The following LMNTD1 variants were observed in gnomAD, a reference collection of about 807,000 sequenced individuals.
The protein encoded by LMNTD1 is lamin tail domain containing 1.
Under a neutral mutation model 50.9 loss-of-function variants are expected in LMNTD1, and 35 were observed. The observed-to-expected ratio is 0.69, with a 90% CI of 0.53 to 0.91. The LOEUF (loss-of-function observed/expected upper bound fraction) is 0.91, where lower values mean the gene tolerates loss of function less well. LMNTD1 is among the 40% of genes least tolerant of loss of function. The pLI is 0.00. For synonymous variants in LMNTD1, 153 were observed against 161.9 expected (o/e 0.94, Z 0.42); for missense variants, 470 against 475.5 (o/e 0.99, Z 0.11).
At chr12:25,548,596 A>T (rs1356188777) in intron 3 of LMNTD1, among the ~76,000 whole-genome samples, 1 of 151,970 alleles carries the variant, frequency 6.6e-6, no homozygotes, top group Non-Finnish European at 1.5e-5. Context: ...GGAAAATGAG[A>T]TGCAGAGATG....
chr12:25,643,205 T>C (rs1946989278), intron 1 of LMNTD1, among the ~76,000 whole-genome samples: 1 of 152,242 alleles, frequency 6.6e-6, no homozygotes, highest in Non-Finnish European at 1.5e-5. Flanking sequence ...CATTATCATT[T>C]ATGATTATAG....
At chr12:25,618,511 G>A (rs1434455943) in intron 1 of LMNTD1, among the ~76,000 whole-genome samples, 2 of 152,082 alleles carry the variant, frequency 1.3e-5, no homozygotes, top group Non-Finnish European at 2.9e-5. Context: ...TGCTCTTTAG[G>A]TTGGAGCAAC....
chr12:25,596,702 C>A (rs999242535), intron 1 of LMNTD1, among the ~76,000 whole-genome samples: 3 of 151,784 alleles, frequency 2.0e-5, no homozygotes, highest in Non-Finnish European at 4.4e-5. Context: ...TTTTGATGAT[C>A]AAAAAGAAAT....
intron 9 of LMNTD1, among the ~76,000 whole-genome samples, chr12:25,491,682 T>C (rs1367981235): frequency 1.4e-4 from 21 of 152,230 alleles, no homozygotes; most frequent in Admixed American, 1.4e-3. Context: ...CTGATGGTGA[T>C]GTGCTGCTGG....
intron 1 of LMNTD1, among the ~76,000 whole-genome samples, chr12:25,634,358 C>CA (rs1946781990): frequency 1.3e-5 from 2 of 152,116 alleles, no homozygotes; most frequent in African/African-American, 2.4e-5. Flanking sequence ...ACCCTAATAC[C>CA]AAAACCAGGA....
chr12:25,624,380 G>A (rs563342623), intron 1 of LMNTD1, among the ~76,000 whole-genome samples: 1 of 152,210 alleles, frequency 6.6e-6, no homozygotes, highest in East Asian at 1.9e-4. Context: ...CAGATAACTA[G>A]GAAAAGGTAC....
At chr12:25,602,318 G>C (rs917993909) in intron 1 of LMNTD1, among the ~76,000 whole-genome samples, 3 of 151,446 alleles carry the variant, frequency 2.0e-5, no homozygotes, top group Non-Finnish European at 4.4e-5. Context: ...AAGAAAGAAA[G>C]AAAAAAAACC....
chr12:25,565,833 G>A (rs569159560), intron 1 of LMNTD1, among the ~76,000 whole-genome samples: 1 of 152,178 alleles, frequency 6.6e-6, no homozygotes, highest in South Asian at 2.1e-4. Context: ...TCTCCTTCAT[G>A]TTCGAAGAAT....
chr12:25,554,673 G>T (rs1040545652), upstream of LMNTD1, among the ~76,000 whole-genome samples: 5 of 152,186 alleles, frequency 3.3e-5, no homozygotes, highest in Non-Finnish European at 5.9e-5. Flanking sequence ...ACCCAGAGAT[G>T]CTAGACTTTC....
At position 25,503,741 on chromosome 12, in the gene LMNTD1, T is replaced by TAAA; in HGVS notation, c.*16_*18dup. 6.4e-7 allele frequency: 1 copy of TAAA among 1,551,848 alleles called. No individual in the cohort carries two copies. Among genetic ancestry groups the TAAA allele is most frequent in the Non-Finnish European group, 8.8e-7 (1 of 1,131,734 alleles). ...AATTTGCAATACAGTTACTTACCTT[T>TAAA]AAAGGTTGAGTTGACTGCTTATTGC... On this transcript the variant is annotated 3_prime_UTR_variant, in exon 9 of 10. Coordinates refer to ENST00000458174, the MANE Select transcript of LMNTD1 (RefSeq NM_001145728.2).
chr12:25,528,007 G>C (rs1469500628), intron 4 of LMNTD1, among the ~76,000 whole-genome samples: 2 of 151,856 alleles, frequency 1.3e-5, no homozygotes, highest in African/African-American at 4.8e-5. Context: ...ATCCCTGACA[G>C]GGTGTTATAT....
At chr12:25,604,608 T>G (rs1029957324) in intron 1 of LMNTD1, among the ~76,000 whole-genome samples, 1 of 152,076 alleles carries the variant, frequency 6.6e-6, no homozygotes, top group Admixed American at 6.5e-5. Flanking sequence ...GTTTGGTTTT[T>G]TGTCCTTGCG....
intron 1 of LMNTD1, among the ~76,000 whole-genome samples, chr12:25,630,303 ATGG>A (rs1209632576): frequency 6.6e-6 from 1 of 152,152 alleles, no homozygotes; most frequent in African/African-American, 2.4e-5. Flanking sequence ...TTTGAGGATC[ATGG>A]TGGACAGGAG....
intron 1 of LMNTD1, among the ~76,000 whole-genome samples, chr12:25,599,098 T>G (rs1945907611): frequency 6.6e-6 from 1 of 151,938 alleles, no homozygotes; most frequent in Admixed American, 6.6e-5. Flanking sequence ...AACAATACAT[T>G]TAAAAGATCA....
At chr12:25,560,453 G>A (rs1365873458) in intron 1 of LMNTD1, among the ~76,000 whole-genome samples, 1 of 152,180 alleles carries the variant, frequency 6.6e-6, no homozygotes, top group East Asian at 1.9e-4. Context: ...TAGCCTTGTA[G>A]TATAGTTTGA....
chr12:25,531,397 T>C (rs967515262), intron 4 of LMNTD1, among the ~76,000 whole-genome samples: 9 of 152,242 alleles, frequency 5.9e-5, no homozygotes, highest in African/African-American at 2.2e-4. Flanking sequence ...GTTGCCCTGT[T>C]GGCCTGCAGT....
rs1337731254 is a variant in LMNTD1, at chr12:25,487,492, T to A, written c.*23-11032A>T. Among the ~76,000 whole-genome samples the A allele has an allele frequency of 3.0e-4, 43 of 142,526 alleles. No homozygotes were observed. In the East Asian group the frequency reaches 8.6e-3, roughly 28 times the overall value. 93.5% of individuals were successfully genotyped at this position (142,526 alleles called of 152,430 possible). A position where few individuals can be genotyped will look rare whatever the true frequency, so the allele number is the denominator to read the frequency against. On this transcript the variant is annotated intron_variant, in intron 9 of 9. Transcript: ENST00000458174. ...TTTTGTTTTCCATTTGCTTGGTAGA[T>A]CTTCCTCCATCCTTTTATTTTGAGC...
intron 1 of LMNTD1, among the ~76,000 whole-genome samples, chr12:25,640,680 A>G (rs1005969986): frequency 6.8e-6 from 1 of 147,614 alleles, no homozygotes; most frequent in Non-Finnish European, 1.5e-5. Flanking sequence ...TTTTTTTTTG[A>G]GACGGAGTCT....
intron 9 of LMNTD1, among the ~76,000 whole-genome samples, chr12:25,483,990 A>G (rs1938528084): frequency 1.3e-5 from 2 of 152,004 alleles, no homozygotes; most frequent in South Asian, 2.1e-4. Context: ...AGTTCAGCCA[A>G]AAAGCGATTA....
Sources: gnomAD v4.1 joint callset for allele counts (sites outside exome capture counted in the v4.1 genomes callset) on GRCh38, gnomAD v4.1.1 for gene constraint, MANE v1.5 for transcripts, NCBI Gene and HGNC (gene_info 2026-07-23, HGNC 2026-07-21) for gene names.